The following GLI2 variants were observed in gnomAD, a reference collection of about 807,000 sequenced individuals.
The protein encoded by GLI2 is GLI family zinc finger 2.
In GLI2, 22 loss-of-function variants were observed where a neutral mutation model predicts 78.9. The ratio of observed to expected loss-of-function variants is 0.28; its 90% CI spans 0.20 to 0.40. The LOEUF (loss-of-function observed/expected upper bound fraction) is 0.40, where lower values mean the gene tolerates loss of function less well. Among genes scored for constraint, GLI2 ranks in the 10% least tolerant of loss-of-function variants. The pLI is 1.00. For missense variants in GLI2, 2,097 were observed against 2,213.2 expected (o/e 0.95, Z 1.05); for synonymous variants, 974 against 963.7 (o/e 1.01, Z -0.20).
In GLI2 at chr2:120,737,481, C is replaced by G. The variant is rs1324164292; in HGVS notation, c.-31+1196C>G. 6.6e-6 allele frequency among the ~76,000 whole-genome samples: 1 copy of G among 152,146 alleles called. No individual in the cohort carries two copies. Among genetic ancestry groups the G allele is most frequent in the Non-Finnish European group, 1.5e-5 (1 of 68,024 alleles). ...TTGTTCTGTGGCTCCTAGAGTTGAT[C>G]CCAGCTGGAAAAGTAGACCTGTCCC... is the stretch of plus-strand genomic sequence containing the variant. On this transcript the variant is annotated intron_variant, in intron 1 of 13. Transcript: ENST00000361492. This position sits in a 1 kb window ranked among gnomAD's most constrained non-coding sequence, Gnocchi z 4.3.
chr2:120,861,400 C>T (rs763218433), intron 2 of GLI2, among the ~76,000 whole-genome samples: 24 of 152,224 alleles, frequency 1.6e-4, no homozygotes, highest in Admixed American at 4.6e-4. Context: ...CTTGGATGGG[C>T]CTGCTGCCCC....
At chr2:120,871,324 GGTGGACGCTCCATGA>G (rs1688416571) in intron 2 of GLI2, among the ~76,000 whole-genome samples, 1 of 152,150 alleles carries the variant, frequency 6.6e-6, no homozygotes, top group African/African-American at 2.4e-5. Flanking sequence ...AGCTGTGCAT[GGTGGACGCTCCATGA>G]GTGTTTACTC....
intron 2 of GLI2, among the ~76,000 whole-genome samples, chr2:120,865,826 A>G (rs575003974): frequency 6.6e-6 from 1 of 152,328 alleles, no homozygotes; most frequent in African/African-American, 2.4e-5. Context: ...GCCCCTCTGC[A>G]TTCAAGGCTT....
chr2:120,987,719 C>T (rs72837377), intron 13 of GLI2, among the ~76,000 whole-genome samples: 5,781 of 152,284 alleles, frequency 0.038, 150 homozygotes, highest in Non-Finnish European at 0.058. Flanking sequence ...CCTTCCTGAG[C>T]TGCTCATCCC....
chr2:120,897,017 C>G (rs1055585369), intron 2 of GLI2, among the ~76,000 whole-genome samples: 9 of 152,356 alleles, frequency 5.9e-5, no homozygotes, highest in Middle Eastern at 3.4e-3. Context: ...GTGTCCACCT[C>G]TGTCCCAGGT....
intron 1 of GLI2, among the ~76,000 whole-genome samples, chr2:120,772,283 T>G (rs1363235758): frequency 6.6e-6 from 1 of 152,044 alleles, no homozygotes; most frequent in African/African-American, 2.4e-5. Flanking sequence ...ACCCGCAAGG[T>G]CTCCTTTCTC....
chr2:120,949,433 C>A (rs1680873515), intron 3 of GLI2, among the ~76,000 whole-genome samples: 1 of 152,248 alleles, frequency 6.6e-6, no homozygotes, highest in Non-Finnish European at 1.5e-5. Context: ...AAGTGCTGAG[C>A]ATGCAGAAGA....
rs140424202 is a variant in GLI2, at chr2:120,975,055, C to G, written c.1263C>G (p.Asn421Lys). The G allele has an allele frequency of 6.3e-5, 101 of 1,613,996 alleles. No homozygotes were observed. Among genetic ancestry groups the G allele is most frequent in the Non-Finnish European group, 8.3e-5 (98 of 1,180,044 alleles). The change falls in exon 9 of 14, where the codon AAC (asparagine) becomes AAG (lysine). Residue 421 changes from asparagine (N) to lysine (K), a missense_variant. This residue lies in a region of GLI2 where 578 missense variants were observed against 612.0 expected (regional missense o/e 0.94). Transcript: ENST00000361492. The part of the protein sequence containing the change: ...QEAEVVIYET[N>K]CHWEDCTKEY... ...CTGAGGTGGTCATCTATGAGACCAA[C>G]TGCCACTGGGAAGACTGCACCAAGG...
chr2:120,976,562 G>C (rs1413282719), intron 9 of GLI2, among the ~76,000 whole-genome samples: 1 of 152,238 alleles, frequency 6.6e-6, no homozygotes, highest in African/African-American at 2.4e-5. Flanking sequence ...TAGATGAAAG[G>C]AGGAGAGAGG....
chr2:120,898,434 G>A (rs1223767472), intron 2 of GLI2, among the ~76,000 whole-genome samples: 1 of 152,178 alleles, frequency 6.6e-6, no homozygotes, highest in East Asian at 1.9e-4. Context: ...CTCACTTGGG[G>A]CGTGCATGCC....
chr2:120,839,016 G>T (rs1686743027), intron 2 of GLI2, among the ~76,000 whole-genome samples: 1 of 152,184 alleles, frequency 6.6e-6, no homozygotes, highest in Non-Finnish European at 1.5e-5. Flanking sequence ...ACCTGCATCT[G>T]GCAAGGGCCT....
At chr2:120,892,938 G>A (rs1360257544) in intron 2 of GLI2, among the ~76,000 whole-genome samples, 1 of 152,196 alleles carries the variant, frequency 6.6e-6, no homozygotes, top group Non-Finnish European at 1.5e-5. Context: ...AACCCAATGG[G>A]GTTGTTGCCA....
At chr2:120,802,942 G>C (rs1263286046) in intron 2 of GLI2, among the ~76,000 whole-genome samples, 1 of 152,268 alleles carries the variant, frequency 6.6e-6, no homozygotes, top group East Asian at 1.9e-4. Flanking sequence ...ATCTGAGTCT[G>C]TGGGGGTAGA....
intron 2 of GLI2, among the ~76,000 whole-genome samples, chr2:120,825,925 C>G (rs1487533519): frequency 6.6e-6 from 1 of 152,268 alleles, no homozygotes; most frequent in African/African-American, 2.4e-5. Flanking sequence ...CAAGCCTTGG[C>G]TGCTCAGAGC....
At chr2:120,804,979 C>T (rs58491073) in intron 2 of GLI2, among the ~76,000 whole-genome samples, 3,290 of 152,296 alleles carry the variant, frequency 0.022, 118 homozygotes, top group African/African-American at 0.075. Context: ...CTCTGAGATT[C>T]GTGCAGTGGC....
rs74436758 is a variant in GLI2 at position 120,783,601 on chromosome 2, G to A, written c.-30-13690G>A. On this transcript the variant is annotated intron_variant, in intron 1 of 13. Coordinates refer to ENST00000361492, the MANE Select transcript of GLI2 (RefSeq NM_001374353.1). ...AAAGGCACTTAATTCTGCACACAGT[G>A]TCATGCCAAGAAACCACGAAGTGCA... Among the ~76,000 whole-genome samples, 3 of 152,146 alleles carry A rather than the reference G, an allele frequency of 2.0e-5. No individual in the cohort carries two copies. The East Asian group carries it at 5.8e-4, about 30-fold the overall frequency.
intron 12 of GLI2, among the ~76,000 whole-genome samples, chr2:120,985,022 G>T (rs1163877756): frequency 1.3e-5 from 2 of 152,140 alleles, no homozygotes; most frequent in Admixed American, 1.3e-4. Context: ...TGCACAGGGC[G>T]GGGGTGGCCC....
chr2:120,805,862 G>C (rs1035933674), intron 2 of GLI2, among the ~76,000 whole-genome samples: 4 of 152,202 alleles, frequency 2.6e-5, no homozygotes. Context: ...TTTACTATTA[G>C]TATATTCTGG....
intron 5 of GLI2, among the ~76,000 whole-genome samples, chr2:120,963,600 G>A (rs1681695625): frequency 6.6e-6 from 1 of 150,878 alleles, no homozygotes; most frequent in South Asian, 2.1e-4. Flanking sequence ...GTGTGTGTGT[G>A]TCCACCTGGG....
Sources: gnomAD v4.1 joint callset for allele counts (sites outside exome capture counted in the v4.1 genomes callset) on GRCh38, gnomAD v4.1.1 for gene constraint, gnomAD v4.1.1 regional missense constraint, Gnocchi (gnomAD v3.1) non-coding constraint, MANE v1.5 for transcripts, NCBI Gene and HGNC (gene_info 2026-07-23, HGNC 2026-07-21) for gene names.